Variants in AGPS observed in about 807,000 individuals in gnomAD.
The protein encoded by AGPS is alkylglycerone phosphate synthase.
Under a neutral mutation model 90.7 loss-of-function variants are expected in AGPS, and 26 were observed. The ratio of observed to expected loss-of-function variants is 0.29; its 90% confidence interval spans 0.21 to 0.40. The LOEUF (loss-of-function observed/expected upper bound fraction) is 0.40. Ranked by LOEUF, AGPS falls within the 10% of genes least tolerant of loss-of-function variation. AGPS has a pLI of 1.00. For synonymous variants in AGPS, 294 were observed against 285.3 expected (o/e 1.03, Z -0.31); for missense variants, 540 against 816.1 (o/e 0.66, Z 4.12).
intron 14 of AGPS, among the ~76,000 whole-genome samples, chr2:177,504,581 C>T (rs896312101): frequency 1.1e-4 from 17 of 152,074 alleles, no homozygotes; most frequent in African/African-American, 4.1e-4. Flanking sequence ...GCCCATTTAG[C>T]TTGAAATTAT....
chr2:177,395,289 A>C (rs1685141089), intron 1 of AGPS, among the ~76,000 whole-genome samples: 1 of 152,344 alleles, frequency 6.6e-6, no homozygotes, highest in East Asian at 1.9e-4. Context: ...TGATGGTTGA[A>C]GGTGACTGGT....
intron 14 of AGPS, among the ~76,000 whole-genome samples, chr2:177,501,911 C>G (rs941475259): frequency 6.6e-6 from 1 of 152,132 alleles, no homozygotes; most frequent in African/African-American, 2.4e-5. Flanking sequence ...CGTGGTCCAC[C>G]CGCCTTGGCC....
At chr2:177,485,563 A>G (rs1438290160) in intron 11 of AGPS, among the ~76,000 whole-genome samples, 1 of 152,170 alleles carries the variant, frequency 6.6e-6, no homozygotes, top group African/African-American at 2.4e-5. Context: ...TTGTCCTTTT[A>G]CTCATTTAAA....
intron 2 of AGPS, among the ~76,000 whole-genome samples, chr2:177,430,662 C>T (rs1343840599): frequency 6.6e-6 from 1 of 152,012 alleles, no homozygotes; most frequent in Non-Finnish European, 1.5e-5. Context: ...TTTCTTTGTT[C>T]TCCATGGGTC....
chr2:177,438,672 G>C (rs7601132), intron 5 of AGPS, among the ~76,000 whole-genome samples: 131,342 of 152,162 alleles, frequency 0.86, 56,891 homozygotes, highest in East Asian at 0.95. Flanking sequence ...CCCATACACC[G>C]TTGGGAGATT....
intron 12 of AGPS, among the ~76,000 whole-genome samples, chr2:177,495,414 A>G (rs909203975): frequency 2.0e-5 from 3 of 152,204 alleles, no homozygotes; most frequent in Non-Finnish European, 4.4e-5. Context: ...TCCACAAATC[A>G]TACGTGGTAG....
chr2:177,408,748 A>G (rs879488335), intron 1 of AGPS, among the ~76,000 whole-genome samples: 4 of 152,140 alleles, frequency 2.6e-5, no homozygotes, highest in Admixed American at 1.3e-4. Flanking sequence ...TGATTTTGGT[A>G]AGGTTTGGGT....
intron 6 of AGPS, chr2:177,441,407 A>T (rs1686596549): frequency 5.9e-6 from 1 of 168,862 alleles, no homozygotes; most frequent in Non-Finnish European, 1.3e-5. Flanking sequence ...TAGCATAGGA[A>T]TGGTAATAAG....
chr2:177,533,005 A>G (rs1011920166), intron 19 of AGPS, among the ~76,000 whole-genome samples: 3 of 152,204 alleles, frequency 2.0e-5, no homozygotes, highest in African/African-American at 7.2e-5. Flanking sequence ...TAAACAGCGC[A>G]GGGATCCTTA....
intron 5 of AGPS, 27 bp downstream of exon 5, chr2:177,437,081 A>T: frequency 6.3e-7 from 1 of 1,597,448 alleles, no homozygotes. Flanking sequence ...TCGTATCATT[A>T]ATTTAGTATT....
In AGPS at chr2:177,482,132, A is replaced by G; in HGVS notation, c.1179A>G (p.Val393=). ...CTGAATACCAAAAGTATGGCTCAGT[A>G]GCTTTCCCTAATTTTGAACAAGGAG... The part of the protein sequence containing the change: ...PVPEYQKYGS[V]AFPNFEQGVA... The change falls in exon 11 of 20, where the codon GTA becomes GTG. Residue 393 remains valine, a synonymous_variant. Coordinates refer to ENST00000264167, the MANE Select transcript of AGPS (RefSeq NM_003659.4). 3 of 1,605,732 alleles carry G rather than the reference A, an allele frequency of 1.9e-6. No individual in the cohort carries two copies. In the East Asian group the frequency reaches 6.8e-5, roughly 36 times the overall value.
chr2:177,418,238 C>T (rs980853387), intron 1 of AGPS, among the ~76,000 whole-genome samples: 1 of 152,056 alleles, frequency 6.6e-6, no homozygotes, highest in African/African-American at 2.4e-5. Context: ...AGGCCAAAGA[C>T]TCTTCAGGAT....
At chr2:177,500,007 A>G (rs1688514661) in intron 14 of AGPS, among the ~76,000 whole-genome samples, 1 of 151,826 alleles carries the variant, frequency 6.6e-6, no homozygotes, top group Admixed American at 6.6e-5. Flanking sequence ...TATTTTTCCT[A>G]GATTTTTACA....
intron 1 of AGPS, among the ~76,000 whole-genome samples, chr2:177,410,358 C>T (rs1685585307): frequency 6.6e-6 from 1 of 152,178 alleles, no homozygotes; most frequent in Non-Finnish European, 1.5e-5. Context: ...TAAAGGCTTC[C>T]TGATGTTTGA....
chr2:177,538,226 ATT>A lies in AGPS; in HGVS notation c.*40_*41del, dbSNP rs752196210. 6.5e-7 allele frequency: 1 copy of A among 1,544,934 alleles called. No homozygotes were observed. The highest frequency in any genetic ancestry group is 1.1e-5 in the South Asian group (1 of 87,970). ...TTAGTACCATTACAAAAAAATGTCA[ATT>A]TTTTTTTTAAGTTTTCAACTGTGGT... is the stretch of plus-strand genomic sequence containing the variant. On this transcript the variant is annotated 3_prime_UTR_variant, in exon 20 of 20. Transcript: ENST00000264167.
chr2:177,484,878 C>T (rs1319151774), intron 11 of AGPS, among the ~76,000 whole-genome samples: 1 of 152,136 alleles, frequency 6.6e-6, no homozygotes, highest in African/African-American at 2.4e-5. Flanking sequence ...GATCCTACCA[C>T]CTCAGCTTCC....
chr2:177,417,082 C>T (rs1685808132), intron 1 of AGPS, among the ~76,000 whole-genome samples: 1 of 152,112 alleles, frequency 6.6e-6, no homozygotes, highest in South Asian at 2.1e-4. Flanking sequence ...CAAACATATC[C>T]CTTGATTTTT....
intron 8 of AGPS, 31 bp downstream of exon 8, chr2:177,445,657 ATTAAC>A: frequency 4.8e-6 from 7 of 1,444,404 alleles, no homozygotes; most frequent in Non-Finnish European, 6.6e-6. Context: ...ATTTTTTTAA[ATTAAC>A]TTATTCTAAT....
intron 1 of AGPS, among the ~76,000 whole-genome samples, chr2:177,398,271 C>T (rs1316426641): frequency 6.6e-6 from 1 of 151,996 alleles, no homozygotes; most frequent in Admixed American, 6.6e-5. Flanking sequence ...AAATATTTAC[C>T]CTATTTTGAG....
Sources: allele counts gnomAD v4.1 joint callset (sites outside exome capture counted in the v4.1 genomes callset), GRCh38; gene constraint gnomAD v4.1.1; transcripts MANE v1.5; gene names NCBI Gene and HGNC (gene_info 2026-07-23, HGNC 2026-07-21).